Variants in PIGU observed in about 807,000 individuals in gnomAD.
PIGU encodes phosphatidylinositol glycan anchor biosynthesis class U.
A neutral mutation model predicts 49.9 loss-of-function variants in PIGU; 24 were observed. The observed-to-expected ratio is 0.48, with a 90% CI of 0.35 to 0.68. PIGU has a LOEUF of 0.68. Ranked by LOEUF, PIGU falls within the 30% of genes least tolerant of loss-of-function variation. The probability of loss-of-function intolerance (pLI) is 0.01; values close to 1 mark genes in which losing one functional copy is unlikely to be tolerated. For synonymous variants in PIGU, 220 were observed against 205.7 expected (o/e 1.07, Z -0.59); for missense variants, 490 against 532.6 (o/e 0.92, Z 0.79).
rs756239261 is a variant in PIGU at position 34,644,237 on chromosome 20, A to G, written c.256-11T>C. On this transcript the variant is annotated splice_polypyrimidine_tract_variant and intron_variant, in intron 3 of 11. Transcript: ENST00000217446. ...GAGTGCATCAGTTATCTGTCAAAAG[A>G]AAGAGAAATAATAGGAAATGGAACA... is the stretch of plus-strand genomic sequence containing the variant. 4.5e-5 allele frequency: 72 copies of G among 1,594,216 alleles called. No homozygotes were observed. Among genetic ancestry groups the G allele is most frequent in the Non-Finnish European group, 6.2e-5 (72 of 1,162,500 alleles).
intron 10 of PIGU, among the ~76,000 whole-genome samples, chr20:34,578,758 G>C (rs1232829561): frequency 6.6e-6 from 1 of 152,222 alleles, no homozygotes; most frequent in Non-Finnish European, 1.5e-5. Context: ...GAAGATTAAA[G>C]CTATATATGC....
chr20:34,564,436 G>A (rs953414467), intron 11 of PIGU, among the ~76,000 whole-genome samples: 1 of 152,226 alleles, frequency 6.6e-6, no homozygotes, highest in Non-Finnish European at 1.5e-5. Context: ...GGGAAGCCGA[G>A]GCAAGGGGAT....
At chr20:34,572,783 T>G (rs1983068286) in intron 11 of PIGU, among the ~76,000 whole-genome samples, 1 of 152,164 alleles carries the variant, frequency 6.6e-6, no homozygotes, top group African/African-American at 2.4e-5. Context: ...GACAAAATCA[T>G]TAAGTGAAAA....
intron 7 of PIGU, among the ~76,000 whole-genome samples, chr20:34,595,326 G>C (rs1568631537): frequency 6.6e-6 from 1 of 152,040 alleles, no homozygotes; most frequent in Non-Finnish European, 1.5e-5. Context: ...ATTATTCCCT[G>C]AACAATACAG....
At chr20:34,628,844 G>A (rs1600641793) in intron 6 of PIGU, among the ~76,000 whole-genome samples, 2 of 152,012 alleles carry the variant, frequency 1.3e-5, no homozygotes, top group African/African-American at 4.8e-5. Flanking sequence ...GAGCGAGACT[G>A]TCTCAAAAAA....
chr20:34,579,979 T>C (rs1410071740), intron 10 of PIGU, among the ~76,000 whole-genome samples: 1 of 152,224 alleles, frequency 6.6e-6, no homozygotes, highest in African/African-American at 2.4e-5. Flanking sequence ...TTTTCTTTAT[T>C]TGATTAATGG....
At chr20:34,649,433 T>C (rs1327583093) in intron 2 of PIGU, among the ~76,000 whole-genome samples, 1 of 151,956 alleles carries the variant, frequency 6.6e-6, no homozygotes, top group African/African-American at 2.4e-5. Flanking sequence ...CTCTCCAAGT[T>C]TGAATCTAGG....
At chr20:34,577,049 T>C (rs965571672) in intron 10 of PIGU, among the ~76,000 whole-genome samples, 2 of 152,176 alleles carry the variant, frequency 1.3e-5, no homozygotes, top group African/African-American at 4.8e-5. Context: ...CTGTACTTTT[T>C]CCCCCGTTTT....
At chr20:34,579,849 A>C (rs1314491554) in intron 10 of PIGU, among the ~76,000 whole-genome samples, 1 of 152,230 alleles carries the variant, frequency 6.6e-6, no homozygotes, top group East Asian at 1.9e-4. Context: ...CTGGCTACCA[A>C]GCCCGAAGCT....
chr20:34,589,070 G>C (rs979123403), intron 7 of PIGU, among the ~76,000 whole-genome samples: 9 of 150,736 alleles, frequency 6.0e-5, no homozygotes, highest in African/African-American at 2.2e-4. Flanking sequence ...AAATACTTAT[G>C]TGTTCTGAGA....
intron 1 of PIGU, among the ~76,000 whole-genome samples, chr20:34,667,640 T>C (rs1987144987): frequency 6.6e-6 from 1 of 152,034 alleles, no homozygotes; most frequent in African/African-American, 2.4e-5. Context: ...GTTAAATAAA[T>C]GCAAAGAAAT....
chr20:34,574,026 A>G (rs1983120562), intron 11 of PIGU, among the ~76,000 whole-genome samples: 1 of 152,254 alleles, frequency 6.6e-6, no homozygotes, highest in Non-Finnish European at 1.5e-5. Flanking sequence ...CACTGGCATC[A>G]TTAGTCTTTC....
At chr20:34,591,714 A>G (rs1395021800) in intron 7 of PIGU, among the ~76,000 whole-genome samples, 2 of 152,356 alleles carry the variant, frequency 1.3e-5, no homozygotes, top group South Asian at 2.1e-4. Context: ...TCAAGTATAC[A>G]ATATATTATT....
At chr20:34,606,622 G>C (rs6087606) in intron 7 of PIGU, among the ~76,000 whole-genome samples, 59,238 of 152,062 alleles carry the variant, frequency 0.39, 11,973 homozygotes, top group Admixed American at 0.55. Context: ...GGTAAGAATA[G>C]TTCAGAGTTG....
intron 7 of PIGU, among the ~76,000 whole-genome samples, chr20:34,601,009 G>C (rs995722161): frequency 2.0e-5 from 3 of 151,294 alleles, no homozygotes; most frequent in Non-Finnish European, 2.9e-5. Flanking sequence ...ACTCCAGCCT[G>C]GGCAAAAAGA....
At chr20:34,622,531 CA>C (rs201784721) in intron 6 of PIGU, among the ~76,000 whole-genome samples, 4,165 of 150,950 alleles carry the variant, frequency 0.028, 209 homozygotes, top group African/African-American at 0.096. Context: ...AAAACAAAAA[CA>C]AAAAAAAAGT....
chr20:34,650,698 C>CTTTTTTTTT (rs1568658806), intron 2 of PIGU, among the ~76,000 whole-genome samples: 8 of 43,952 alleles, frequency 1.8e-4, no homozygotes, highest in African/African-American at 1.6e-4. Flanking sequence ...TTCTTTTTTT[C>CTTTTTTTTT]TCTTTTTTTT....
rs1416896622 is a variant in PIGU, at chr20:34,560,870, T to C, written c.1304A>G (p.Lys435Arg). 3.1e-6 allele frequency: 5 copies of C among 1,603,402 alleles called. No individual in the cohort carries two copies. In the South Asian group the frequency reaches 3.3e-5, roughly 11 times the overall value. ...GCAGCCCTGTGCCAGCCAGGCCTACTTGAGCACGAGCATGGCCTCTGTGCC... is the reference window on the plus strand; with the variant it reads ...GCAGCCCTGTGCCAGCCAGGCCTACCTGAGCACGAGCATGGCCTCTGTGCC... ...KDGTEAMLVL[K>R] Residue 435 changes from lysine to arginine, a missense_variant, in exon 12 of 12, where the codon AAG becomes AGG. Lys to Arg is a conservative substitution (Grantham distance 26, BLOSUM62 2). Transcript: ENST00000217446.
intron 1 of PIGU, among the ~76,000 whole-genome samples, chr20:34,659,732 C>T (rs1986871146): frequency 6.6e-6 from 1 of 152,162 alleles, no homozygotes. Flanking sequence ...CCTTGGGATC[C>T]TGTTGATCTG....
Sources: allele counts gnomAD v4.1 joint callset (sites outside exome capture counted in the v4.1 genomes callset), GRCh38; gene constraint gnomAD v4.1.1; transcripts MANE v1.5; gene names NCBI Gene and HGNC (gene_info 2026-07-23, HGNC 2026-07-21).